CCSAP: variants seen among roughly 807,000 people sequenced by gnomAD.
CCSAP encodes centriole, cilia and spindle-associated protein.
A neutral mutation model predicts 25.9 loss-of-function variants in CCSAP; 17 were observed. The ratio of observed to expected loss-of-function variants is 0.66; its 90% CI spans 0.45 to 0.99. CCSAP has a LOEUF of 0.99. CCSAP is among the 50% of genes least tolerant of loss of function. CCSAP has a pLI of 0.00. For missense variants in CCSAP, 339 were observed against 367.8 expected (o/e 0.92, Z 0.64); for synonymous variants, 169 against 157.1 (o/e 1.08, Z -0.57).
intron 2 of CCSAP, among the ~76,000 whole-genome samples, chr1:229,334,378 AT>A (rs1658148002): frequency 6.6e-6 from 1 of 152,248 alleles, no homozygotes; most frequent in Non-Finnish European, 1.5e-5. Flanking sequence ...ATTTTAAAAA[AT>A]CATAATGAAA....
chr1:229,339,483 C>T (rs984606701), intron 2 of CCSAP, among the ~76,000 whole-genome samples: 2 of 152,146 alleles, frequency 1.3e-5, no homozygotes, highest in Admixed American at 6.6e-5. Context: ...TCTGAACCAT[C>T]CTTTCTTGGG....
chr1:229,342,156 G>A lies in CCSAP; in HGVS notation c.310C>T (p.Gln104Ter). 1 of 1,313,162 alleles carries A rather than the reference G, an allele frequency of 7.6e-7. No homozygotes were observed. Among genetic ancestry groups the A allele is most frequent in the Non-Finnish European group, 9.7e-7 (1 of 1,029,902 alleles). 81.3% of individuals were successfully genotyped at this position (1,313,162 alleles called of 1,614,324 possible). A position where few individuals can be genotyped will look rare whatever the true frequency, so the allele number is the denominator to read the frequency against. Residue 104 changes from glutamine (Q) to a stop codon, truncating the protein, a stop_gained, in exon 2 of 4, where the codon CAG becomes TAG. Transcript: ENST00000284617. LOFTEE classifies it high-confidence loss of function. The surrounding 1 kb of genome is among the most constrained non-coding windows in gnomAD (Gnocchi z 7.5). ...ERRARGAPEE[Q>*]DAEAGDAEAE... ...TCCGCGTCCCCGGCCTCCGCGTCCT[G>A]CTCCTCCGGGGCCCCGCGCGCCCGC... is the stretch of plus-strand genomic sequence containing the variant.
intron 2 of CCSAP, chr1:229,340,408 G>A: frequency 1.4e-6 from 1 of 716,620 alleles, no homozygotes; most frequent in South Asian, 1.5e-5. Flanking sequence ...TACCTGAGCT[G>A]GTAAATACAG....
chr1:229,326,712 C>T (rs373620309), intron 3 of CCSAP, 26 bp downstream of exon 3: 2 of 1,611,274 alleles, frequency 1.2e-6, no homozygotes, highest in African/African-American at 2.7e-5. Context: ...AAAGGGAACA[C>T]AGAACCACAA....
chr1:229,333,372 G>T (rs1014187575), intron 2 of CCSAP, among the ~76,000 whole-genome samples: 14 of 149,170 alleles, frequency 9.4e-5, no homozygotes, highest in Non-Finnish European at 1.8e-4. Flanking sequence ...GGCGGAGCTT[G>T]CAGTGAGCCG....
intron 3 of CCSAP, among the ~76,000 whole-genome samples, chr1:229,326,087 G>C (rs940227619): frequency 1.3e-5 from 2 of 152,150 alleles, no homozygotes; most frequent in Non-Finnish European, 2.9e-5. Flanking sequence ...CAGTATTAAC[G>C]CTAACATACA....
At position 229,342,688 on chromosome 1, in the gene CCSAP, G is replaced by T. The variant is rs1294419262; in HGVS notation, c.-48-175C>A. On this transcript the variant is annotated intron_variant, in intron 1 of 3. Transcript: ENST00000284617. This position sits in a 1 kb window ranked among gnomAD's most constrained non-coding sequence, Gnocchi z 7.5. ...CCGGCGGCCGGGACCAAGAGCAGAG[G>T]CGGGGACCGGGGCTGCTGGGGTCGA... Among the ~76,000 whole-genome samples, 1 of 152,040 alleles carries T rather than the reference G, an allele frequency of 6.6e-6. No homozygotes were observed. The highest frequency in any genetic ancestry group is 1.5e-5 in the Non-Finnish European group (1 of 67,960).
chr1:229,340,486 A>G (rs1331811545), intron 2 of CCSAP: 1 of 710,730 alleles, frequency 1.4e-6, no homozygotes, highest in East Asian at 2.7e-5. Flanking sequence ...TGACAACTCC[A>G]TCACAAACAA....
At position 229,326,870 on chromosome 1, in the gene CCSAP, T is replaced by G. The variant is rs145645598; in HGVS notation, c.504A>C (p.Lys168Asn). The change falls in exon 3 of 4, where the codon AAA becomes AAC. Residue 168 changes from lysine to asparagine, a missense_variant. Physicochemically the swap from Lys to Asn is moderately conservative, Grantham distance 94. Coordinates refer to ENST00000284617, the MANE Select transcript of CCSAP (RefSeq NM_145257.5). The part of the protein sequence containing the change: ...LFARGNRKAV[K>N]SPQRSSSKIK... ...TTTTACTCGATGATCTTTGGGGACT[T>G]TTGACCGCTTTCCTGTTTCCTCTAG... is the stretch of plus-strand genomic sequence containing the variant. 2.4e-4 allele frequency: 395 copies of G among 1,614,094 alleles called. 2 individuals carry two copies. Among genetic ancestry groups the G allele is most frequent in the Non-Finnish European group, 5.1e-5 (60 of 1,180,052 alleles).
rs1039502560 is a variant in CCSAP, at chr1:229,327,199, A to G, written c.368-193T>C. The G allele has an allele frequency of 3.2e-5, 16 of 506,964 alleles. No homozygotes were observed. The Admixed American group carries it at 5.9e-4, about 19-fold the overall frequency. 31.4% of individuals were successfully genotyped at this position (506,964 alleles called of 1,614,324 possible). A position where few individuals can be genotyped will look rare whatever the true frequency, so the allele number is the denominator to read the frequency against. ...TTCAAACCATTTATCTCATTTTAAA[A>G]TCAACAACAAATATACCAAGATTGA... is the stretch of plus-strand genomic sequence containing the variant. On this transcript the variant is annotated intron_variant, in intron 2 of 3. Coordinates refer to ENST00000284617, the MANE Select transcript of CCSAP (RefSeq NM_145257.5).
intron 3 of CCSAP, 59 bp downstream of exon 3, chr1:229,326,679 G>C (rs540483059): frequency 6.3e-7 from 1 of 1,590,856 alleles, no homozygotes; most frequent in Non-Finnish European, 8.6e-7. Context: ...GATGACAGGC[G>C]CATGGCCCAG....
intron 2 of CCSAP, among the ~76,000 whole-genome samples, chr1:229,334,864 G>C (rs567558453): frequency 1.3e-5 from 2 of 152,314 alleles, no homozygotes; most frequent in South Asian, 4.1e-4. Context: ...CAAGGACAGA[G>C]AGCAAGGGAG....
chr1:229,336,311 G>C (rs776914716), intron 2 of CCSAP, among the ~76,000 whole-genome samples: 31 of 151,798 alleles, frequency 2.0e-4, no homozygotes, highest in Non-Finnish European at 4.3e-4. Context: ...TTTCAGTCTT[G>C]AGCGGCAGAA....
At chr1:229,330,324 G>T (rs2102693636) in intron 2 of CCSAP, among the ~76,000 whole-genome samples, 1 of 152,326 alleles carries the variant, frequency 6.6e-6, no homozygotes, top group Non-Finnish European at 1.5e-5. Context: ...TTCAACTGGA[G>T]CTCAGGAGAG....
chr1:229,325,459 C>CT (rs1336745129), intron 3 of CCSAP, 48 bp from the exon 4 acceptor site: 2 of 1,561,462 alleles, frequency 1.3e-6, no homozygotes, highest in Non-Finnish European at 1.7e-6. Flanking sequence ...GGCTATTATA[C>CT]TAATGTTCAA....
chr1:229,335,344 A>T (rs562472352), intron 2 of CCSAP, among the ~76,000 whole-genome samples: 1 of 151,848 alleles, frequency 6.6e-6, no homozygotes, highest in Non-Finnish European at 1.5e-5. Context: ...AAAATGAAAG[A>T]GTTGTATGAG....
rs185530782 is a variant in CCSAP at position 229,333,991 on chromosome 1, G to A, written c.368-6985C>T. 2.2e-4 allele frequency among the ~76,000 whole-genome samples: 34 copies of A among 152,280 alleles called. No individual in the cohort carries two copies. In the East Asian group the frequency reaches 4.4e-3, roughly 20 times the overall value. ...AAAATTCCAAGTAGTGGTAATAGAG[G>A]GCATTCCTTTCTTAATTCTGATATT... On this transcript the variant is annotated intron_variant, in intron 2 of 3. Transcript: ENST00000284617.
intron 2 of CCSAP, among the ~76,000 whole-genome samples, chr1:229,335,327 GAA>G (rs926740588): frequency 1.4e-4 from 21 of 147,410 alleles, no homozygotes; most frequent in Non-Finnish European, 2.4e-4. Flanking sequence ...TCAAAAGAAA[GAA>G]AAAAAAAATG....
At chr1:229,330,301 C>T (rs982207640) in intron 2 of CCSAP, among the ~76,000 whole-genome samples, 4 of 152,154 alleles carry the variant, frequency 2.6e-5, no homozygotes, top group African/African-American at 4.8e-5. Context: ...CTCCTGGTCC[C>T]GGCAGCCAGA....
Sources: allele counts gnomAD v4.1 joint callset (sites outside exome capture counted in the v4.1 genomes callset), GRCh38; gene constraint gnomAD v4.1.1; non-coding constraint Gnocchi (gnomAD v3.1); transcripts MANE v1.5; gene names NCBI Gene and HGNC (gene_info 2026-07-23, HGNC 2026-07-21).